The following IZUMO2 variants were observed in gnomAD, a reference collection of about 807,000 sequenced individuals.
IZUMO2 encodes the protein izumo sperm-egg fusion protein 2.
IZUMO2 carries 24 observed loss-of-function variants against 31.2 expected under a neutral mutation model. That is an observed-to-expected ratio of 0.77 (90% CI 0.56 to 1.08). The LOEUF (loss-of-function observed/expected upper bound fraction) is 1.08, where lower values mean the gene tolerates loss of function less well. Among genes scored for constraint, IZUMO2 ranks in the 50% least tolerant of loss-of-function variants. IZUMO2 has a pLI of 0.00. For missense variants in IZUMO2, 278 were observed against 274.0 expected, an observed-to-expected ratio of 1.01 and a Z score of -0.10; for synonymous variants, 144 against 117.3, an observed-to-expected ratio of 1.23 and a Z score of -1.47.
chr19:50,159,215 C>T lies in IZUMO2; in HGVS notation c.415+15G>A, dbSNP rs201722618. ...GGAGGGTAGAGAAGGGAGAGATAGA[C>T]GATCCAGAACTCACGGCAAAGTTTG... On this transcript the variant is annotated intron_variant, in intron 4 of 6. Transcript: ENST00000293405. The T allele has an allele frequency of 1.9e-4, 312 of 1,609,468 alleles. 1 individual carries two copies. The African/African-American group carries it at 3.0e-3, about 15-fold the overall frequency.
chr19:50,152,564 T>C lies in IZUMO2; in HGVS notation c.*45A>G. On this transcript the variant is annotated 3_prime_UTR_variant, in exon 7 of 7. Coordinates refer to ENST00000293405, the MANE Select transcript of IZUMO2 (RefSeq NM_152358.3). The stretch of plus-strand genomic sequence containing the variant: ...AGACATTGATGGATTTGTCACCAAT[T>C]TTATTAAATTTATTTTCCTTTCTCC... The C allele has an allele frequency of 6.5e-7, 1 of 1,548,264 alleles. No individual in the cohort carries two copies. Among genetic ancestry groups the C allele is most frequent in the Non-Finnish European group, 8.9e-7 (1 of 1,120,484 alleles).
Position 50,158,311 on chromosome 19 carries a change from G to A in IZUMO2, c.453C>T (p.Cys151=). The change falls in exon 5 of 7, where the codon TGC becomes TGT. Residue 151 remains cysteine, a synonymous_variant. Coordinates refer to ENST00000293405, the MANE Select transcript of IZUMO2 (RefSeq NM_152358.3). ...GGATACACTTGGGAGTGATCCTCTGGCAATGTAAACAGTCCAACACCTCTT... is the reference window on the plus strand; with the variant it reads ...GGATACACTTGGGAGTGATCCTCTGACAATGTAAACAGTCCAACACCTCTT... ...LKEEVLDCLH[C]QRITPKCIHK... The A allele has an allele frequency of 6.2e-7, 1 of 1,612,252 alleles. No homozygotes were observed.
intron 5 of IZUMO2, among the ~76,000 whole-genome samples, chr19:50,156,315 A>G (rs996172231): frequency 6.6e-6 from 1 of 152,106 alleles, no homozygotes. Flanking sequence ...AACATCCTAC[A>G]ATGACCAGGA....
In IZUMO2 at chr19:50,159,381, G is replaced by A. The variant is rs976757175; in HGVS notation, c.394+113C>T. ...GAAGGGAAGATTGGGGAGAGATGAA[G>A]AAGGCTGAGCTATAGGGGAGGTGAA... On this transcript the variant is annotated intron_variant, in intron 3 of 6. Transcript: ENST00000293405. The A allele has an allele frequency of 3.3e-5, 41 of 1,257,664 alleles. 1 individual carries two copies. In the Admixed American group the frequency reaches 5.9e-4, roughly 18 times the overall value. 77.9% of individuals were successfully genotyped at this position (1,257,664 alleles called of 1,614,324 possible). A position where few individuals can be genotyped will look rare whatever the true frequency, so the allele number is the denominator to read the frequency against.
intron 2 of IZUMO2, among the ~76,000 whole-genome samples, chr19:50,162,129 A>G (rs1279692095): frequency 2.0e-5 from 3 of 152,006 alleles, no homozygotes; most frequent in Non-Finnish European, 4.4e-5. Context: ...CTAAAAATAC[A>G]AAAATTAGCC....
chr19:50,157,215 G>A (rs1049099743), intron 5 of IZUMO2, among the ~76,000 whole-genome samples: 10 of 152,050 alleles, frequency 6.6e-5, no homozygotes, highest in Non-Finnish European at 1.0e-4. Flanking sequence ...AGGAGTGATT[G>A]GAACAGTGTG....
intron 1 of IZUMO2, 31 bp from the exon 2 acceptor site, chr19:50,162,844 G>A (rs771889239): frequency 5.6e-6 from 9 of 1,607,038 alleles, no homozygotes; most frequent in Non-Finnish European, 6.8e-6. Context: ...ACACTCCAGT[G>A]AGCCCCCCAG....
In IZUMO2 at chr19:50,159,496, T is replaced by G; in HGVS notation, c.392A>C (p.Lys131Thr). 6.2e-7 allele frequency: 1 copy of G among 1,604,228 alleles called. No individual in the cohort carries two copies. The highest frequency in any genetic ancestry group is 8.5e-7 in the Non-Finnish European group (1 of 1,171,102). ...ATTGGTGGAGAGATATGCTGCACCT[T>G]TTAATTCATATGAAATTAAAACTTT... Reference protein sequence around the residue: ...FKKVLISYELKACNPKLCRLL... With the variant: ...FKKVLISYELTACNPKLCRLL... Residue 131 changes from lysine (K) to threonine (T), a missense_variant and splice_region_variant, in exon 3 of 7, where the codon AAA becomes ACA. By Grantham distance (78) the Lys-to-Thr change is moderately conservative. Coordinates refer to ENST00000293405, the MANE Select transcript of IZUMO2 (RefSeq NM_152358.3).
In IZUMO2 at chr19:50,154,275, T is replaced by G. The variant is rs1255820477; in HGVS notation, c.623+325A>C. On this transcript the variant is annotated intron_variant, in intron 6 of 6. Coordinates refer to ENST00000293405, the MANE Select transcript of IZUMO2 (RefSeq NM_152358.3). ...ATATAACTTTTAGCGTTTTTTTTTT[T>G]TTTTTTTTTTTTTTTTTTTTTTAAT... 4.8e-4 allele frequency among the ~76,000 whole-genome samples: 65 copies of G among 135,870 alleles called. 7 individuals carry two copies. Among genetic ancestry groups the G allele is most frequent in the East Asian group, 1.5e-3 (7 of 4,814 alleles). The allele number at this position is 135,870 out of a possible 152,430, so 89.1% of individuals were successfully genotyped here. A position where few individuals can be genotyped will look rare whatever the true frequency, so the allele number is the denominator to read the frequency against.
intron 5 of IZUMO2, 117 bp from the exon 6 acceptor site, chr19:50,154,843 C>A (rs976329430): frequency 4.5e-6 from 5 of 1,112,492 alleles, no homozygotes; most frequent in Non-Finnish European, 6.4e-6. Context: ...GGCGCTCTCT[C>A]TTCTTCTCTT....
chr19:50,162,682 G>A (rs1164190627), intron 2 of IZUMO2, 57 bp downstream of exon 2: 22 of 1,391,338 alleles, frequency 1.6e-5, no homozygotes, highest in Non-Finnish European at 2.3e-5. Context: ...AGGGAGGTGG[G>A]GCAGACCGGC....
At chr19:50,157,255 TCC>T (rs2030241078) in intron 5 of IZUMO2, among the ~76,000 whole-genome samples, 1 of 151,508 alleles carries the variant, frequency 6.6e-6, no homozygotes, top group South Asian at 2.1e-4. Flanking sequence ...TGTGAAAAGA[TCC>T]AGCATGACTA....
Position 50,154,537 on chromosome 19 carries a change from C to T in IZUMO2, c.623+63G>A, listed in dbSNP as rs892896062. ...TACACAGTGACCCATCCAGGGGAGT[C>T]GCCATTTTTGAGGGGCCCAGTGGGT... On this transcript the variant is annotated intron_variant, in intron 6 of 6. Transcript: ENST00000293405. 3.2e-6 allele frequency: 5 copies of T among 1,578,440 alleles called. No homozygotes were observed. In the South Asian group the frequency reaches 3.4e-5, roughly 11 times the overall value.
rs1412817636 is a variant in IZUMO2, at chr19:50,162,772, G to C, written c.274C>G (p.Gln92Glu). ...GAGTTACCCATTAAGTGCTGCGTTT[G>C]GTTCTTGACAAAGGACGCCACAAGG... Reference protein sequence around the residue: ...LDLVASFVKNQTQHLMGNSLK... With the variant: ...LDLVASFVKNETQHLMGNSLK... Residue 92 changes from glutamine to glutamate, a missense_variant, in exon 2 of 7, where the codon CAA becomes GAA. By Grantham distance (29) the Gln-to-Glu change is conservative. Transcript: ENST00000293405. 1 of 1,614,008 alleles carries C rather than the reference G, an allele frequency of 6.2e-7. No homozygotes were observed. The highest frequency in any genetic ancestry group is 8.5e-7 in the Non-Finnish European group (1 of 1,180,006).
At chr19:50,158,137 A>G in intron 5 of IZUMO2, 131 bp downstream of exon 5, 1 of 504,782 alleles carries the variant, frequency 2.0e-6, no homozygotes, top group Non-Finnish European at 3.5e-6. Context: ...TCTGGGCCAC[A>G]CTCTAAGCAA....
At chr19:50,157,553 C>CG (rs2030253215) in intron 5 of IZUMO2, among the ~76,000 whole-genome samples, 1 of 150,220 alleles carries the variant, frequency 6.7e-6, no homozygotes, top group South Asian at 2.1e-4. Context: ...CTGCCTGCCT[C>CG]GGACTCCCAA....
chr19:50,154,448 A>G, intron 6 of IZUMO2, 152 bp downstream of exon 6: 1 of 635,044 alleles, frequency 1.6e-6, no homozygotes, highest in Non-Finnish European at 2.7e-6. Context: ...GAGAAGAGGG[A>G]GGAGAGAGAC....
chr19:50,158,026 T>C (rs966566488), intron 5 of IZUMO2, among the ~76,000 whole-genome samples: 3 of 152,164 alleles, frequency 2.0e-5, no homozygotes, highest in African/African-American at 7.2e-5. Context: ...AAAATCTTTT[T>C]CTAGCACCTG....
rs769577541 is a variant in IZUMO2, at chr19:50,154,709, C to T, written c.514G>A (p.Val172Met). The change falls in exon 6 of 7, where the codon GTG becomes ATG. Residue 172 changes from valine (V) to methionine (M), a missense_variant. By Grantham distance (21) the Val-to-Met change is conservative. Coordinates refer to ENST00000293405, the MANE Select transcript of IZUMO2 (RefSeq NM_152358.3). ...KYCFVDRQPR[V>M]ALQYQMDSKY... Reference sequence around the variant, plus strand: ...CTGTCCATCTGGTACTGCAGGGCCACGCGGGGTTGCCGGTCGACTGGGGCG... The same window carrying T: ...CTGTCCATCTGGTACTGCAGGGCCATGCGGGGTTGCCGGTCGACTGGGGCG... The T allele has an allele frequency of 4.3e-6, 7 of 1,613,780 alleles. No individual in the cohort carries two copies. Among genetic ancestry groups the T allele is most frequent in the Admixed American group, 3.3e-5 (2 of 59,980 alleles).
Sources: gnomAD v4.1 joint callset for allele counts (sites outside exome capture counted in the v4.1 genomes callset) on GRCh38, gnomAD v4.1.1 for gene constraint, MANE v1.5 for transcripts, NCBI Gene and HGNC (gene_info 2026-07-23, HGNC 2026-07-21) for gene names.